Variants in SCN1A observed in about 807,000 individuals in gnomAD.
SCN1A encodes the protein sodium channel protein type 1 subunit alpha.
Under a neutral mutation model 193.7 loss-of-function variants are expected in SCN1A, and 13 were observed. That is an observed-to-expected ratio of 0.07 (90% confidence interval 0.04 to 0.11). The LOEUF (loss-of-function observed/expected upper bound fraction) is 0.11, where lower values mean the gene tolerates loss of function less well. Among genes scored for constraint, SCN1A ranks in the 10% least tolerant of loss-of-function variants. The pLI is 1.00. For synonymous variants in SCN1A, 781 were observed against 843.6 expected, an observed-to-expected ratio of 0.93 and a Z score of 1.29; for missense variants, 1,432 against 2,451.1, an observed-to-expected ratio of 0.58 and a Z score of 8.78.
intron 19 of SCN1A, among the ~76,000 whole-genome samples, chr2:166,030,463 G>A (rs1040179329): frequency 1.4e-5 from 2 of 143,240 alleles, no homozygotes; most frequent in South Asian, 2.1e-4. Context: ...AAAAACAAAT[G>A]TATTTCTTTT....
upstream of SCN1A, among the ~76,000 whole-genome samples, chr2:166,129,428 A>T (rs552985151): frequency 6.6e-6 from 1 of 152,368 alleles, no homozygotes; most frequent in Non-Finnish European, 1.5e-5. Flanking sequence ...TATCTATAAA[A>T]GAAAGAAATT....
At chr2:166,039,753 A>G (rs571794470) in intron 16 of SCN1A, among the ~76,000 whole-genome samples, 157 bp from the exon 17 acceptor site, 1 of 152,146 alleles carries the variant, frequency 6.6e-6, no homozygotes, top group African/African-American at 2.4e-5. Context: ...AGACTTTCAT[A>G]TACATTATTT....
intron 23 of SCN1A, among the ~76,000 whole-genome samples, chr2:166,006,109 T>A (rs1691616160): frequency 6.6e-6 from 1 of 151,306 alleles, no homozygotes; most frequent in Admixed American, 6.6e-5. Flanking sequence ...TACTTTGAAC[T>A]TCAAATCAAC....
At chr2:165,997,892 G>A in intron 26 of SCN1A, 146 bp downstream of exon 26, 1 of 626,616 alleles carries the variant, frequency 1.6e-6, no homozygotes, top group Non-Finnish European at 2.9e-6. Context: ...TATATGGATA[G>A]TGAATGACAG....
chr2:166,091,093 C>G (rs1686753692), intron 2 of SCN1A, among the ~76,000 whole-genome samples: 1 of 152,178 alleles, frequency 6.6e-6, no homozygotes, highest in African/African-American at 2.4e-5. Flanking sequence ...AAGAGAACTA[C>G]ACAGCTGACT....
At chr2:166,042,447 A>G in intron 14 of SCN1A, 23 bp from the exon 15 acceptor site, 1 of 1,611,398 alleles carries the variant, frequency 6.2e-7, no homozygotes, top group East Asian at 2.2e-5. Context: ...ATGCTAATGC[A>G]TTAAACAATT....
intron 4 of SCN1A, chr2:166,072,022 C>T (rs551602662): frequency 2.0e-5 from 3 of 152,262 alleles, no homozygotes; most frequent in South Asian, 2.1e-4. Context: ...AGCTGTCAAT[C>T]GGAAGTGATT....
chr2:166,090,337 A>T (rs972750098), intron 2 of SCN1A, among the ~76,000 whole-genome samples: 2 of 152,144 alleles, frequency 1.3e-5, no homozygotes, highest in Non-Finnish European at 2.9e-5. Context: ...AGCAAGAAAG[A>T]GAAAAGAATT....
intron 19 of SCN1A, among the ~76,000 whole-genome samples, chr2:166,033,232 A>G (rs1260891347): frequency 6.6e-6 from 1 of 152,166 alleles, no homozygotes; most frequent in East Asian, 1.9e-4. Flanking sequence ...CATTATCACT[A>G]CCTTCAAAAA....
chr2:166,146,986 T>TAAA (rs1291418049), intron 1 of SCN1A, among the ~76,000 whole-genome samples: 1 of 152,236 alleles, frequency 6.6e-6, no homozygotes, highest in Admixed American at 6.5e-5. Flanking sequence ...TTATAATATT[T>TAAA]AACCAAATTA....
chr2:166,032,243 A>ATGCTCCTCAACTTACGATG (rs1553539051), intron 19 of SCN1A, among the ~76,000 whole-genome samples: 16 of 62,008 alleles, frequency 2.6e-4, no homozygotes, highest in East Asian at 1.7e-3. Flanking sequence ...ACAGAGACAG[A>ATGCTCCTCAACTTACGATG]GAGAGAAAAT....
chr2:166,148,561 C>G (rs1692413394), intron 1 of SCN1A, among the ~76,000 whole-genome samples: 1 of 152,116 alleles, frequency 6.6e-6, no homozygotes, highest in Non-Finnish European at 1.5e-5. Flanking sequence ...ACTAAGTAGG[C>G]AGGATTCATT....
chr2:166,071,032 C>T (rs183475141), intron 4 of SCN1A, among the ~76,000 whole-genome samples: 80 of 152,174 alleles, frequency 5.3e-4, no homozygotes, highest in Non-Finnish European at 9.6e-4. Context: ...GAGGATGGAG[C>T]CCACTAACAT....
chr2:166,067,238 TC>T (rs1683934959), intron 4 of SCN1A, among the ~76,000 whole-genome samples: 1 of 152,104 alleles, frequency 6.6e-6, no homozygotes, highest in Admixed American at 6.6e-5. Context: ...CTTTGTCACC[TC>T]CCTGTCTCTG....
intron 2 of SCN1A, among the ~76,000 whole-genome samples, chr2:166,085,744 G>GA (rs1180389645): frequency 1.3e-5 from 2 of 152,064 alleles, no homozygotes; most frequent in African/African-American, 4.8e-5. Context: ...CCTGAGTTAT[G>GA]AAAAATTGAG....
At chr2:166,009,681 G>T in intron 23 of SCN1A, 38 bp downstream of exon 23, 5 of 1,561,098 alleles carry the variant, frequency 3.2e-6, no homozygotes, top group Admixed American at 1.8e-5. Context: ...TTTAATTTTG[G>T]CTATATACAA....
intron 1 of SCN1A, among the ~76,000 whole-genome samples, chr2:166,144,231 ACT>A (rs1179881467): frequency 6.6e-6 from 1 of 152,200 alleles, no homozygotes; most frequent in African/African-American, 2.4e-5. Flanking sequence ...AGTTACTGAC[ACT>A]CTCTATATGT....
At chr2:166,142,896 G>A (rs1692149447) in intron 1 of SCN1A, among the ~76,000 whole-genome samples, 1 of 152,146 alleles carries the variant, frequency 6.6e-6, no homozygotes, top group Non-Finnish European at 1.5e-5. Context: ...TCCTGCACAA[G>A]CTCTCTTGCC....
intron 4 of SCN1A, among the ~76,000 whole-genome samples, chr2:166,072,678 A>G (rs1684549524): frequency 6.6e-6 from 1 of 152,128 alleles, no homozygotes; most frequent in Non-Finnish European, 1.5e-5. Context: ...TTTATAACTC[A>G]TGATTTTGAG....
Sources: allele counts gnomAD v4.1 joint callset (sites outside exome capture counted in the v4.1 genomes callset), GRCh38; gene constraint gnomAD v4.1.1; transcripts MANE v1.5; gene names NCBI Gene and HGNC (gene_info 2026-07-23, HGNC 2026-07-21).